Variants in CCDC148 observed in about 807,000 individuals in gnomAD.
CCDC148 encodes the protein coiled-coil domain containing 148.
CCDC148 carries 89 observed loss-of-function variants against 85.7 expected under a neutral mutation model. That is an observed-to-expected ratio of 1.04 (90% confidence interval 0.87 to 1.24). The LOEUF is 1.24. Among genes scored for constraint, CCDC148 ranks in the 50% most tolerant of loss-of-function variants. CCDC148 has a pLI of 0.00. For synonymous variants in CCDC148, 230 were observed against 213.9 expected, an observed-to-expected ratio of 1.08 and a Z score of -0.66; for missense variants, 692 against 671.7, an observed-to-expected ratio of 1.03 and a Z score of -0.33.
At chr2:158,304,905 A>G (rs982794327) in intron 9 of CCDC148, among the ~76,000 whole-genome samples, 3 of 152,188 alleles carry the variant, frequency 2.0e-5, no homozygotes, top group African/African-American at 7.2e-5. Context: ...GTTGTAATAA[A>G]TTGATAAATT....
At chr2:158,240,137 G>T (rs1258747016) in intron 10 of CCDC148, among the ~76,000 whole-genome samples, 4 of 151,770 alleles carry the variant, frequency 2.6e-5, no homozygotes, top group Non-Finnish European at 4.4e-5. Flanking sequence ...GAGAGATCTC[G>T]GTGGATGGAT....
chr2:158,416,803 C>T (rs1686520586), intron 1 of CCDC148, among the ~76,000 whole-genome samples: 1 of 152,152 alleles, frequency 6.6e-6, no homozygotes, highest in Admixed American at 6.5e-5. Flanking sequence ...TAGCAATGCC[C>T]CACTTCTCAG....
intron 2 of CCDC148, among the ~76,000 whole-genome samples, chr2:158,353,388 C>G (rs1447747297): frequency 6.7e-6 from 1 of 150,298 alleles, no homozygotes; most frequent in Admixed American, 6.6e-5. Flanking sequence ...GAAGATCTAC[C>G]AAGCAAATGG....
Position 158,220,623 on chromosome 2 carries a change from C to T in CCDC148, c.1342G>A (p.Ala448Thr), listed in dbSNP as rs773092722. The change falls in exon 11 of 14, where the codon GCT becomes ACT. Residue 448 changes from alanine (A) to threonine (T), a missense_variant. By Grantham distance (58) the Ala-to-Thr change is moderately conservative (BLOSUM62 0). Coordinates refer to ENST00000283233, the MANE Select transcript of CCDC148 (RefSeq NM_138803.4). ...QRLEELKKLI[A>T]EQSLKDRERV... ...TCTCTGTCTTTTAGTGACTGTTCAG[C>T]GATTAATTTCTTCAGTTCTTCTAGA... is the stretch of plus-strand genomic sequence containing the variant. The T allele has an allele frequency of 9.2e-5, 148 of 1,603,856 alleles. No homozygotes were observed. The highest frequency in any genetic ancestry group is 3.1e-4 in the South Asian group (27 of 88,424).
chr2:158,416,282 G>A (rs1324387919), intron 1 of CCDC148, among the ~76,000 whole-genome samples: 1 of 152,184 alleles, frequency 6.6e-6, no homozygotes, highest in Non-Finnish European at 1.5e-5. Flanking sequence ...CTGCCACGAG[G>A]TCTCTGAAAT....
chr2:158,307,701 C>G (rs1305701153), intron 9 of CCDC148, among the ~76,000 whole-genome samples: 1 of 152,102 alleles, frequency 6.6e-6, no homozygotes, highest in African/African-American at 2.4e-5. Context: ...AAATACTAAA[C>G]AGCAATAAAG....
intron 2 of CCDC148, among the ~76,000 whole-genome samples, chr2:158,351,399 AG>A (rs1683273296): frequency 6.6e-6 from 1 of 152,320 alleles, no homozygotes; most frequent in East Asian, 1.9e-4. Context: ...GAGCCGAAGC[AG>A]GGCGAGGCAC....
intron 10 of CCDC148, among the ~76,000 whole-genome samples, chr2:158,228,665 G>A (rs1281226486): frequency 1.3e-5 from 2 of 152,050 alleles, no homozygotes; most frequent in Non-Finnish European, 2.9e-5. Context: ...GTAGGGACAT[G>A]GATGAAGCTA....
At position 158,424,042 on chromosome 2, in the gene CCDC148, G is replaced by A. The variant is rs192557115; in HGVS notation, c.25+32373C>T. 1.5e-3 allele frequency among the ~76,000 whole-genome samples: 224 copies of A among 152,290 alleles called. 1 individual carries two copies. The highest frequency in any genetic ancestry group is 5.2e-3 in the African/African-American group (217 of 41,566). Reference sequence around the variant, plus strand: ...ATACTATCTCACACCAGTTAGAATGGTGATCATTAAAAAGTGAGGAAACAA... The same window carrying A: ...ATACTATCTCACACCAGTTAGAATGATGATCATTAAAAAGTGAGGAAACAA... On this transcript the variant is annotated intron_variant, in intron 1 of 13. Coordinates refer to ENST00000283233, the MANE Select transcript of CCDC148 (RefSeq NM_138803.4).
intron 3 of CCDC148, among the ~76,000 whole-genome samples, chr2:158,341,765 G>A (rs1281878265): frequency 6.6e-6 from 1 of 151,640 alleles, no homozygotes. Context: ...TATTAAAATG[G>A]TATAATATAA....
At chr2:158,306,586 C>A (rs1169906606) in intron 9 of CCDC148, among the ~76,000 whole-genome samples, 3 of 151,792 alleles carry the variant, frequency 2.0e-5, no homozygotes, top group African/African-American at 7.3e-5. Flanking sequence ...GAACAAAAAA[C>A]CAAACACTGC....
intron 11 of CCDC148, among the ~76,000 whole-genome samples, chr2:158,181,968 A>C (rs1210547576): frequency 6.6e-6 from 1 of 151,858 alleles, no homozygotes; most frequent in African/African-American, 2.4e-5. Flanking sequence ...GGAGGTTGGG[A>C]AAAGATAGGG....
intron 9 of CCDC148, among the ~76,000 whole-genome samples, chr2:158,307,033 AT>A (rs1469804029): frequency 1.8e-3 from 267 of 145,408 alleles, no homozygotes; most frequent in Non-Finnish European, 3.0e-3. Flanking sequence ...AAAAAAAAAA[AT>A]AGTTATTTTA....
At chr2:158,205,240 G>A (rs1686176307) in intron 11 of CCDC148, among the ~76,000 whole-genome samples, 2 of 152,140 alleles carry the variant, frequency 1.3e-5, no homozygotes, top group Non-Finnish European at 2.9e-5. Context: ...TAAGCCCTTG[G>A]CTGTAGGAGT....
chr2:158,203,734 A>G (rs1686087606), intron 11 of CCDC148, among the ~76,000 whole-genome samples: 1 of 152,208 alleles, frequency 6.6e-6, no homozygotes, highest in African/African-American at 2.4e-5. Context: ...TAGCTATCAA[A>G]AGATGAAATA....
chr2:158,409,747 G>A (rs917080351), intron 1 of CCDC148, among the ~76,000 whole-genome samples: 2 of 152,128 alleles, frequency 1.3e-5, no homozygotes, highest in African/African-American at 4.8e-5. Flanking sequence ...GATTTGGCAG[G>A]GGACAGGGGC....
At chr2:158,290,004 G>A (rs941712172) in intron 9 of CCDC148, among the ~76,000 whole-genome samples, 1 of 152,222 alleles carries the variant, frequency 6.6e-6, no homozygotes, top group African/African-American at 2.4e-5. Flanking sequence ...GGAAATGACT[G>A]ACACACAAGT....
chr2:158,322,818 TC>T (rs1692581097), intron 7 of CCDC148, among the ~76,000 whole-genome samples: 1 of 151,984 alleles, frequency 6.6e-6, no homozygotes, highest in Non-Finnish European at 1.5e-5. Flanking sequence ...GCATTCAGAG[TC>T]AGATCTCGAA....
At chr2:158,384,859 G>A (rs1332453822) in intron 1 of CCDC148, among the ~76,000 whole-genome samples, 1 of 152,150 alleles carries the variant, frequency 6.6e-6, no homozygotes, top group Non-Finnish European at 1.5e-5. Flanking sequence ...CAGGTTGGAA[G>A]TCTGGCATGG....
Sources: gnomAD v4.1 joint callset for allele counts (sites outside exome capture counted in the v4.1 genomes callset) on GRCh38, gnomAD v4.1.1 for gene constraint, MANE v1.5 for transcripts, NCBI Gene and HGNC (gene_info 2026-07-23, HGNC 2026-07-21) for gene names.